DYM: variants seen among roughly 807,000 people sequenced by gnomAD.
The protein encoded by DYM is dymeclin.
In DYM, 78 loss-of-function variants were observed where a neutral mutation model predicts 93.1. The ratio of observed to expected loss-of-function variants is 0.84; its 90% CI spans 0.70 to 1.01. The LOEUF (loss-of-function observed/expected upper bound fraction) is 1.01, where lower values mean the gene tolerates loss of function less well. Ranked by LOEUF, DYM falls within the 50% of genes least tolerant of loss-of-function variation. The probability of loss-of-function intolerance (pLI) is 0.00; values close to 1 mark genes in which losing one functional copy is unlikely to be tolerated. For missense variants in DYM, 789 were observed against 845.0 expected, an observed-to-expected ratio of 0.93 and a Z score of 0.82; for synonymous variants, 321 against 319.7, an observed-to-expected ratio of 1.00 and a Z score of -0.04.
At chr18:49,268,762 A>G (rs1196036988) in intron 11 of DYM, among the ~76,000 whole-genome samples, 3 of 96,904 alleles carry the variant, frequency 3.1e-5, no homozygotes, top group South Asian at 3.6e-4. Flanking sequence ...TATGCATGTT[A>G]TACTTCAATT....
intron 8 of DYM, among the ~76,000 whole-genome samples, chr18:49,316,497 CGCAA>C (rs1318312802): frequency 6.6e-6 from 1 of 152,090 alleles, no homozygotes; most frequent in African/African-American, 2.4e-5. Flanking sequence ...ATGATACTTA[CGCAA>C]GCATTTATAA....
chr18:49,458,834 G>A (rs1289356391), intron 1 of DYM, among the ~76,000 whole-genome samples: 1 of 152,076 alleles, frequency 6.6e-6, no homozygotes, highest in Non-Finnish European at 1.5e-5. Context: ...GCGAGACTCT[G>A]CCTCCCACCA....
chr18:49,130,132 C>G (rs552985479), intron 15 of DYM, among the ~76,000 whole-genome samples: 4 of 152,292 alleles, frequency 2.6e-5, no homozygotes, highest in African/African-American at 9.6e-5. Context: ...CACAGGGACT[C>G]TCCAGGATTG....
At chr18:49,152,895 C>T (rs2085975980) in intron 15 of DYM, among the ~76,000 whole-genome samples, 1 of 152,076 alleles carries the variant, frequency 6.6e-6, no homozygotes, top group African/African-American at 2.4e-5. Flanking sequence ...CATGATCTCA[C>T]TTAGATGTGA....
intron 3 of DYM, among the ~76,000 whole-genome samples, chr18:49,387,249 T>C (rs985442695): frequency 6.6e-6 from 1 of 151,142 alleles, no homozygotes; most frequent in African/African-American, 2.4e-5. Context: ...TACTGTTATA[T>C]CTGTTATAGT....
chr18:49,363,567 A>AG (rs2066244688), intron 5 of DYM, among the ~76,000 whole-genome samples: 5 of 152,256 alleles, frequency 3.3e-5, no homozygotes, highest in South Asian at 4.1e-4. Flanking sequence ...CAAATATATG[A>AG]AACAGATAAA....
At chr18:49,338,183 G>T (rs2063814276) in intron 6 of DYM, among the ~76,000 whole-genome samples, 3 of 152,150 alleles carry the variant, frequency 2.0e-5, no homozygotes, top group African/African-American at 7.2e-5. Flanking sequence ...AACAATAGTA[G>T]GTTATCAAAA....
chr18:49,083,424 A>AT (rs1202930121), intron 17 of DYM, among the ~76,000 whole-genome samples: 5 of 151,998 alleles, frequency 3.3e-5, no homozygotes, highest in Admixed American at 2.0e-4. Context: ...TTTGTAAAGG[A>AT]TTTTTTTGTG....
chr18:49,204,245 G>A (rs1478639514), intron 14 of DYM, among the ~76,000 whole-genome samples: 1 of 152,200 alleles, frequency 6.6e-6, no homozygotes, highest in Non-Finnish European at 1.5e-5. Flanking sequence ...AGAATATAAT[G>A]TTTTTAACTC....
chr18:49,214,498 A>G (rs568595255), intron 13 of DYM, among the ~76,000 whole-genome samples: 1 of 152,204 alleles, frequency 6.6e-6, no homozygotes, highest in Non-Finnish European at 1.5e-5. Context: ...TGGTGCAACA[A>G]AGGTTGAGGA....
intron 14 of DYM, among the ~76,000 whole-genome samples, chr18:49,181,272 G>T (rs142185163): frequency 6.6e-6 from 1 of 152,284 alleles, no homozygotes; most frequent in African/African-American, 2.4e-5. Flanking sequence ...GGAACAGCAT[G>T]ATTTTGAGAT....
chr18:49,137,994 C>A (rs2084037149), intron 15 of DYM, among the ~76,000 whole-genome samples: 1 of 152,024 alleles, frequency 6.6e-6, no homozygotes, highest in Non-Finnish European at 1.5e-5. Flanking sequence ...ATCTCTATGC[C>A]CAAAGAATAG....
chr18:49,279,700 A>C (rs2094924773), intron 10 of DYM, among the ~76,000 whole-genome samples: 1 of 152,214 alleles, frequency 6.6e-6, no homozygotes. Context: ...TTTCCCTTAG[A>C]ATACAACATA....
intron 14 of DYM, among the ~76,000 whole-genome samples, chr18:49,171,107 A>C (rs895047148): frequency 6.6e-6 from 1 of 152,188 alleles, no homozygotes; most frequent in African/African-American, 2.4e-5. Context: ...GGGGAGGAGG[A>C]GGCGGAAGCT....
intron 6 of DYM, among the ~76,000 whole-genome samples, chr18:49,354,189 G>A (rs1485670812): frequency 6.6e-6 from 1 of 151,994 alleles, no homozygotes; most frequent in Non-Finnish European, 1.5e-5. Flanking sequence ...TCTTCAACCA[G>A]ATGCTGAAAC....
At chr18:49,335,812 C>CT (rs35594525) in intron 6 of DYM, among the ~76,000 whole-genome samples, 43,707 of 147,100 alleles carry the variant, frequency 0.3, 7,226 homozygotes, top group East Asian at 0.64. Flanking sequence ...CGTTTTCTGT[C>CT]TTTTTTTTTT....
At chr18:49,332,915 G>A (rs2063413047) in intron 7 of DYM, among the ~76,000 whole-genome samples, 1 of 152,108 alleles carries the variant, frequency 6.6e-6, no homozygotes, top group Non-Finnish European at 1.5e-5. Context: ...CATTCTGAGT[G>A]TCATTCTGAG....
chr18:49,202,211 C>T (rs1341721157), intron 14 of DYM, among the ~76,000 whole-genome samples: 3 of 152,240 alleles, frequency 2.0e-5, no homozygotes, highest in South Asian at 4.1e-4. Context: ...CCCTTTCACT[C>T]TTCTACTATC....
chr18:49,421,723 T>C (rs1236018330), intron 2 of DYM, among the ~76,000 whole-genome samples: 1 of 152,188 alleles, frequency 6.6e-6, no homozygotes, highest in African/African-American at 2.4e-5. Context: ...AAGGAGGATG[T>C]TCGAAACCAT....
Sources: allele counts gnomAD v4.1 joint callset (sites outside exome capture counted in the v4.1 genomes callset), GRCh38; gene constraint gnomAD v4.1.1; transcripts MANE v1.5; gene names NCBI Gene and HGNC (gene_info 2026-07-23, HGNC 2026-07-21).